Variants in QTMAN observed in about 807,000 individuals in gnomAD.
The protein encoded by QTMAN is queuosine-tRNA mannosyltransferase, also known as tRNA-queuosine alpha-mannosyltransferase.
chr2:144,030,193 T>A, the QTMAN span, among the ~76,000 whole-genome samples: 1 of 152,186 alleles, frequency 6.6e-6, no homozygotes, highest in African/African-American at 2.4e-5. Flanking sequence ...CCTTACTAAT[T>A]ACTCTTCTCT....
At chr2:144,287,456 C>T in the QTMAN span, among the ~76,000 whole-genome samples, 1 of 151,330 alleles carries the variant, frequency 6.6e-6, no homozygotes, top group Non-Finnish European at 1.5e-5. Flanking sequence ...AAAAAAAAAC[C>T]TTATAAAATG....
At chr2:144,231,843 GGTGTGTGTGTGTGTGTGT>G in the QTMAN span, among the ~76,000 whole-genome samples, 107 of 138,450 alleles carry the variant, frequency 7.7e-4, no homozygotes, top group African/African-American at 2.2e-3. Context: ...GAATGAAAGA[GGTGTGTGTGTGTGTGTGT>G]GTGTGTGTGT....
chr2:144,119,216 T>C, the QTMAN span, among the ~76,000 whole-genome samples: 2 of 152,112 alleles, frequency 1.3e-5, no homozygotes, highest in Admixed American at 1.3e-4. Context: ...AGAATTAAAA[T>C]TAAGAGGTAT....
At chr2:144,278,341 T>C in the QTMAN span, among the ~76,000 whole-genome samples, 2 of 152,168 alleles carry the variant, frequency 1.3e-5, no homozygotes, top group East Asian at 1.9e-4. Context: ...TTTAGCCTCA[T>C]GATTTCTAAG....
At chr2:144,103,355 G>A in the QTMAN span, among the ~76,000 whole-genome samples, 1 of 152,346 alleles carries the variant, frequency 6.6e-6, no homozygotes, top group East Asian at 1.9e-4. Context: ...AGGACAGTGA[G>A]TATCTGTTCA....
At chr2:144,207,220 C>T in the QTMAN span, among the ~76,000 whole-genome samples, 7 of 152,174 alleles carry the variant, frequency 4.6e-5, 1 homozygote, top group South Asian at 6.2e-4. Context: ...ATTCTGAATA[C>T]GCACTAAAAC....
the QTMAN span, among the ~76,000 whole-genome samples, chr2:144,102,005 C>T: frequency 6.6e-6 from 1 of 152,096 alleles, no homozygotes; most frequent in African/African-American, 2.4e-5. Flanking sequence ...TTACTGTTTC[C>T]CATAATTTAA....
At chr2:143,967,582 C>A in the QTMAN span, among the ~76,000 whole-genome samples, 1 of 152,118 alleles carries the variant, frequency 6.6e-6, no homozygotes, top group Non-Finnish European at 1.5e-5. Flanking sequence ...CCACCCACCT[C>A]GGCCTCCCAA....
At chr2:144,141,200 T>C in the QTMAN span, among the ~76,000 whole-genome samples, 1 of 151,920 alleles carries the variant, frequency 6.6e-6, no homozygotes, top group African/African-American at 2.4e-5. Flanking sequence ...GGGAGAAATA[T>C]TCCTAGTGGT....
At chr2:144,186,404 G>T in the QTMAN span, among the ~76,000 whole-genome samples, 1 of 152,306 alleles carries the variant, frequency 6.6e-6, no homozygotes, top group South Asian at 2.1e-4. Context: ...AATTAGATTT[G>T]CATTCTGAGG....
chr2:144,007,121 CAG>C, the QTMAN span: 1 of 961,302 alleles, frequency 1.0e-6, no homozygotes, highest in Non-Finnish European at 1.6e-6. Context: ...TGTCAATCAA[CAG>C]AATATATTTT....
At chr2:143,950,269 G>C in the QTMAN span, among the ~76,000 whole-genome samples, 1 of 151,700 alleles carries the variant, frequency 6.6e-6, no homozygotes, top group East Asian at 1.9e-4. Flanking sequence ...CATTTAAACT[G>C]TGTGAGGAAC....
At chr2:144,056,874 C>T in the QTMAN span, among the ~76,000 whole-genome samples, 3 of 152,190 alleles carry the variant, frequency 2.0e-5, no homozygotes, top group Admixed American at 1.3e-4. Flanking sequence ...AAGAACTTTT[C>T]GAAATACTTA....
At chr2:143,973,892 A>G in the QTMAN span, among the ~76,000 whole-genome samples, 1 of 152,206 alleles carries the variant, frequency 6.6e-6, no homozygotes, top group African/African-American at 2.4e-5. Context: ...ATGACATTCA[A>G]TGGCAGAGCT....
chr2:144,331,410 T>C, the QTMAN span, among the ~76,000 whole-genome samples: 4 of 151,670 alleles, frequency 2.6e-5, no homozygotes, highest in Admixed American at 1.3e-4. Flanking sequence ...ACTTCAGGGG[T>C]AGGCACCAAA....
chr2:144,082,335 A>T, the QTMAN span, among the ~76,000 whole-genome samples: 1 of 152,210 alleles, frequency 6.6e-6, no homozygotes, highest in Non-Finnish European at 1.5e-5. Context: ...GCCCAGCACA[A>T]CATTTGGCTA....
the QTMAN span, among the ~76,000 whole-genome samples, chr2:144,102,470 T>C: frequency 3.3e-5 from 5 of 152,368 alleles, no homozygotes; most frequent in South Asian, 1.0e-3. Context: ...CTGAGGACAC[T>C]GACGCCCACA....
At chr2:144,039,664 A>G in the QTMAN span, among the ~76,000 whole-genome samples, 4 of 152,106 alleles carry the variant, frequency 2.6e-5, no homozygotes, top group African/African-American at 7.2e-5. Context: ...CATCGCTTTG[A>G]TATCATCTCA....
chr2:144,301,200 T>A, the QTMAN span, among the ~76,000 whole-genome samples: 1 of 152,186 alleles, frequency 6.6e-6, no homozygotes, highest in Non-Finnish European at 1.5e-5. Flanking sequence ...AAGATGTACC[T>A]TTTTTGTTTT....
Sources: allele counts gnomAD v4.1 joint callset (sites outside exome capture counted in the v4.1 genomes callset), GRCh38; gene constraint gnomAD v4.1.1; transcripts MANE v1.5; gene names NCBI Gene and HGNC (gene_info 2026-07-23, HGNC 2026-07-21).